Variants in ERBB4 observed in about 807,000 individuals in gnomAD.
ERBB4 encodes erb-b2 receptor tyrosine kinase 4, also known as receptor tyrosine-protein kinase erbB-4.
In ERBB4, 42 loss-of-function variants were observed where a neutral mutation model predicts 158.0. The observed-to-expected ratio is 0.27, with a 90% CI of 0.21 to 0.34. The LOEUF (loss-of-function observed/expected upper bound fraction) is 0.34, where lower values mean the gene tolerates loss of function less well. ERBB4 is among the 10% of genes least tolerant of loss of function. The pLI is 1.00. For missense variants in ERBB4, 1,333 were observed against 1,624.1 expected, an observed-to-expected ratio of 0.82 and a Z score of 3.08; for synonymous variants, 583 against 558.7, an observed-to-expected ratio of 1.04 and a Z score of -0.61.
intron 4 of ERBB4, among the ~76,000 whole-genome samples, chr2:211,787,200 T>C (rs990755450): frequency 6.6e-6 from 1 of 152,152 alleles, no homozygotes; most frequent in Non-Finnish European, 1.5e-5. Context: ...AAATATATAA[T>C]AGATGAGAAA....
At chr2:212,507,262 C>T (rs568688205) in intron 1 of ERBB4, among the ~76,000 whole-genome samples, 30 of 150,676 alleles carry the variant, frequency 2.0e-4, no homozygotes, top group Non-Finnish European at 3.7e-4. Context: ...GACAATGAAC[C>T]TACTAACCAA....
intron 3 of ERBB4, among the ~76,000 whole-genome samples, chr2:211,814,786 G>A (rs534165684): frequency 6.6e-6 from 1 of 152,136 alleles, no homozygotes; most frequent in African/African-American, 2.4e-5. Context: ...AAATCAATCT[G>A]AAAGTTTCTC....
chr2:212,058,398 C>T (rs1243427425), intron 2 of ERBB4, among the ~76,000 whole-genome samples: 2 of 151,936 alleles, frequency 1.3e-5, no homozygotes, highest in Middle Eastern at 3.2e-3. Context: ...TAAAACTATT[C>T]CAATCAATCG....
intron 1 of ERBB4, among the ~76,000 whole-genome samples, chr2:212,288,828 C>A (rs1287705185): frequency 1.3e-5 from 2 of 152,052 alleles, no homozygotes; most frequent in Non-Finnish European, 2.9e-5. Flanking sequence ...GAGTTTCCCA[C>A]CAAGACTACC....
At chr2:211,944,164 C>CTATATATATACACTATATA (rs2080591977) in intron 3 of ERBB4, among the ~76,000 whole-genome samples, 3 of 100,888 alleles carry the variant, frequency 3.0e-5, no homozygotes, top group African/African-American at 1.3e-4. Context: ...TATATATACA[C>CTATATATATACACTATATA]TATATATATA....
intron 20 of ERBB4, among the ~76,000 whole-genome samples, chr2:211,442,640 ACGTATAT>A (rs1430713200): frequency 6.7e-6 from 1 of 149,922 alleles, no homozygotes; most frequent in Non-Finnish European, 1.5e-5. Context: ...ACACACACAC[ACGTATAT>A]ATGTGTGTGT....
At chr2:211,628,415 G>A (rs180674969) in intron 17 of ERBB4, among the ~76,000 whole-genome samples, 213 of 152,188 alleles carry the variant, frequency 1.4e-3, no homozygotes, top group African/African-American at 4.6e-3. Flanking sequence ...GAGAACATGC[G>A]GTGTTTGGTT....
At position 212,512,357 on chromosome 2, in the gene ERBB4, T is replaced by C. The variant is rs190193603; in HGVS notation, c.82+26092A>G. 1.0e-3 allele frequency among the ~76,000 whole-genome samples: 147 copies of C among 145,542 alleles called. 1 individual carries two copies. The East Asian group carries it at 0.022, about 22-fold the overall frequency. ...ATATATACACACAAATATATATATA[T>C]ACACAAAAAAAAACAAATATGATAC... On this transcript the variant is annotated intron_variant, in intron 1 of 27. Transcript: ENST00000342788.
At chr2:211,686,349 C>T (rs2072563249) in intron 12 of ERBB4, among the ~76,000 whole-genome samples, 1 of 152,076 alleles carries the variant, frequency 6.6e-6, no homozygotes, top group Admixed American at 6.5e-5. Context: ...TTTTCTGTAT[C>T]AATTGACATG....
intron 2 of ERBB4, among the ~76,000 whole-genome samples, chr2:211,984,251 T>C (rs1011757249): frequency 6.6e-6 from 1 of 152,148 alleles, no homozygotes; most frequent in Non-Finnish European, 1.5e-5. Flanking sequence ...AGAGCCCTCA[T>C]GACTTAATCA....
At chr2:211,665,650 G>A (rs914200231) in intron 14 of ERBB4, among the ~76,000 whole-genome samples, 173 bp from the exon 15 acceptor site, 2 of 152,196 alleles carry the variant, frequency 1.3e-5, no homozygotes, top group South Asian at 2.1e-4. Context: ...AGTACAAACA[G>A]TGCAAAGAAG....
chr2:212,208,203 G>A (rs965884164), intron 1 of ERBB4, among the ~76,000 whole-genome samples: 2 of 152,122 alleles, frequency 1.3e-5, no homozygotes, highest in Non-Finnish European at 2.9e-5. Context: ...GAGTATTTCT[G>A]CCTTAGGGTC....
At chr2:211,476,616 T>C (rs904030105) in intron 20 of ERBB4, among the ~76,000 whole-genome samples, 3 of 151,530 alleles carry the variant, frequency 2.0e-5, no homozygotes, top group Non-Finnish European at 4.4e-5. Flanking sequence ...GTGCAACTCC[T>C]AATGAATCAA....
chr2:212,412,489 C>T (rs1216852802), intron 1 of ERBB4, among the ~76,000 whole-genome samples: 4 of 152,298 alleles, frequency 2.6e-5, no homozygotes, highest in South Asian at 2.1e-4. Context: ...CTTCACCCTC[C>T]GCCATGAGTA....
chr2:212,226,414 G>GGT (rs1553601627), intron 1 of ERBB4, among the ~76,000 whole-genome samples: 2 of 151,506 alleles, frequency 1.3e-5, no homozygotes, highest in Non-Finnish European at 2.9e-5. Context: ...AAGACATGGG[G>GGT]GGGGGTTTGA....
chr2:211,418,552 G>A (rs900105056), intron 25 of ERBB4, among the ~76,000 whole-genome samples: 1 of 152,004 alleles, frequency 6.6e-6, no homozygotes, highest in Non-Finnish European at 1.5e-5. Flanking sequence ...ATTCCATCTA[G>A]CTAGCTCAAA....
rs544935409 is a variant in ERBB4, at chr2:212,117,798, A to C, written c.234+6954T>G. Among the ~76,000 whole-genome samples the C allele has an allele frequency of 8.4e-4, 128 of 152,286 alleles. 1 individual carries two copies. The highest frequency in any genetic ancestry group is 1.3e-3 in the Admixed American group (20 of 15,280). ...TCCTCTCTAATGTTTCTAAAATATG[A>C]CAAGTTTTCTCATCCTGATTCTCTC... On this transcript the variant is annotated intron_variant, in intron 2 of 27. Coordinates refer to ENST00000342788, the MANE Select transcript of ERBB4 (RefSeq NM_005235.3).
Position 211,580,865 on chromosome 2 carries a change from A to AT in ERBB4, c.2302-18778_2302-18777insA, listed in dbSNP as rs1559317608. Among the ~76,000 whole-genome samples, 11 of 4,804 alleles carry AT rather than the reference A, an allele frequency of 2.3e-3. 1 individual carries two copies. In the South Asian group the frequency reaches 0.051, roughly 22 times the overall value. The allele number at this position is 4,804 out of a possible 152,430, so 3.2% of individuals were successfully genotyped here. A position where few individuals can be genotyped will look rare whatever the true frequency, so the allele number is the denominator to read the frequency against. On this transcript the variant is annotated intron_variant, in intron 19 of 27. Coordinates refer to ENST00000342788, the MANE Select transcript of ERBB4 (RefSeq NM_005235.3). ...TATATTATATATATAGTATGCATATACATATATATATATATATATATATAT... is the reference window on the plus strand; with the variant it reads ...TATATTATATATATAGTATGCATATATCATATATATATATATATATATATAT...
At position 212,402,299 on chromosome 2, in the gene ERBB4, T is replaced by C. The variant is rs1344146935; in HGVS notation, c.82+136150A>G. Among the ~76,000 whole-genome samples, 3 of 152,274 alleles carry C rather than the reference T, an allele frequency of 2.0e-5. No individual in the cohort carries two copies. The East Asian group carries it at 5.8e-4, about 29-fold the overall frequency. Reference sequence around the variant, plus strand: ...TATTATCTATTTATATAAAATGTTTTATATGATAAAATTTCAGAAATGGAG... The same window carrying C: ...TATTATCTATTTATATAAAATGTTTCATATGATAAAATTTCAGAAATGGAG... On this transcript the variant is annotated intron_variant, in intron 1 of 27. Transcript: ENST00000342788.
Sources: allele counts gnomAD v4.1 joint callset (sites outside exome capture counted in the v4.1 genomes callset), GRCh38; gene constraint gnomAD v4.1.1; transcripts MANE v1.5; gene names NCBI Gene and HGNC (gene_info 2026-07-23, HGNC 2026-07-21).